CYRIA: variants seen among roughly 807,000 people sequenced by gnomAD.
CYRIA encodes the protein CYFIP related Rac1 interactor A.
In CYRIA, 15 loss-of-function variants were observed where a neutral mutation model predicts 43.9. The ratio of observed to expected loss-of-function variants is 0.34; its 90% CI spans 0.23 to 0.53. CYRIA has a LOEUF of 0.53. Among genes scored for constraint, CYRIA ranks in the 20% least tolerant of loss-of-function variants. The pLI, the probability that CYRIA is intolerant of heterozygous loss-of-function variation, is 0.94. For missense variants in CYRIA, 236 were observed against 394.2 expected, an observed-to-expected ratio of 0.60 and a Z score of 3.40; for synonymous variants, 117 against 136.0, an observed-to-expected ratio of 0.86 and a Z score of 0.97.
intron 4 of CYRIA, 105 bp downstream of exon 4, chr2:16,565,541 G>A (rs1666897688): frequency 7.7e-7 from 1 of 1,291,412 alleles, no homozygotes; most frequent in Non-Finnish European, 1.0e-6. Context: ...GGTACTCTAG[G>A]AAATACTGTA....
At chr2:16,633,576 T>G (rs1377131025) in intron 1 of CYRIA, among the ~76,000 whole-genome samples, 1 of 77,980 alleles carries the variant, frequency 1.3e-5, no homozygotes, top group East Asian at 1.2e-3. Context: ...TTTTTTTCTG[T>G]AGAGAAGGGG....
intron 1 of CYRIA, among the ~76,000 whole-genome samples, chr2:16,630,992 G>A (rs1351903612): frequency 6.6e-6 from 1 of 152,150 alleles, no homozygotes; most frequent in Non-Finnish European, 1.5e-5. Flanking sequence ...CCCAGGTGAT[G>A]CAAGCCAGGA....
At chr2:16,589,489 T>TC (rs145209188) in intron 2 of CYRIA, among the ~76,000 whole-genome samples, 27,743 of 151,948 alleles carry the variant, frequency 0.18, 3,526 homozygotes, top group African/African-American at 0.35. Context: ...AAGTAGTCTA[T>TC]CTTTGTTAGA....
At chr2:16,566,502 G>C (rs370157261) in intron 3 of CYRIA, among the ~76,000 whole-genome samples, 1 of 152,186 alleles carries the variant, frequency 6.6e-6, no homozygotes, top group South Asian at 2.1e-4. Context: ...GGTATGTAGA[G>C]AGCACTTCTC....
intron 2 of CYRIA, among the ~76,000 whole-genome samples, chr2:16,599,560 A>G (rs1474627099): frequency 7.4e-6 from 1 of 135,124 alleles, no homozygotes; most frequent in Non-Finnish European, 1.6e-5. Flanking sequence ...TGCGCTTCCC[A>G]GGTGAGGCAA....
Position 16,554,373 on chromosome 2 carries a change from A to AT in CYRIA, c.908+695_908+696insA, listed in dbSNP as rs1204776935. 5.3e-5 allele frequency among the ~76,000 whole-genome samples: 8 copies of AT among 152,260 alleles called. No homozygotes were observed. In the East Asian group the frequency reaches 1.2e-3, roughly 22 times the overall value. Reference sequence around the variant, plus strand: ...TTGTAGATGTGTCAGAGCTAAAAAAAGCATCCCCTCTCTGAAATGGATTAA... The same window carrying AT: ...TTGTAGATGTGTCAGAGCTAAAAAAATGCATCCCCTCTCTGAAATGGATTAA... On this transcript the variant is annotated intron_variant, in intron 11 of 11. Coordinates refer to ENST00000381323, the MANE Select transcript of CYRIA (RefSeq NM_030797.4).
chr2:16,578,877 C>G (rs1412085891), intron 3 of CYRIA, among the ~76,000 whole-genome samples: 2 of 152,006 alleles, frequency 1.3e-5, no homozygotes, highest in Non-Finnish European at 2.9e-5. Context: ...CAAGAATGTT[C>G]AAAATTAATG....
chr2:16,559,499 G>A lies in CYRIA; in HGVS notation c.798C>T (p.Val266=). 6.2e-7 allele frequency: 1 copy of A among 1,613,138 alleles called. No homozygotes were observed. Among genetic ancestry groups the A allele is most frequent in the Middle Eastern group, 1.7e-4 (1 of 6,052 alleles). Residue 266 remains valine (V), a synonymous_variant, in exon 10 of 12, where the codon GTC becomes GTT. Coordinates refer to ENST00000381323, the MANE Select transcript of CYRIA (RefSeq NM_030797.4). The part of the protein sequence containing the change: ...MVGVIILYDH[V]HPVGAFCKTS... ...TCTTGCAGAAAGCTCCCACAGGGTG[G>A]ACATGGTCATAGAGGATGATGACTC...
chr2:16,640,076 C>A (rs1276968885), intron 1 of CYRIA, among the ~76,000 whole-genome samples: 2 of 152,232 alleles, frequency 1.3e-5, no homozygotes. Context: ...TTAGCACATA[C>A]AGGCTGCAAA....
chr2:16,657,848 T>C (rs955526868), intron 1 of CYRIA, among the ~76,000 whole-genome samples: 7 of 152,232 alleles, frequency 4.6e-5, no homozygotes, highest in African/African-American at 1.7e-4. Context: ...ATCTTGAGTG[T>C]AATACATAAA....
chr2:16,569,190 A>C (rs1175293172), intron 3 of CYRIA, among the ~76,000 whole-genome samples: 2 of 152,134 alleles, frequency 1.3e-5, no homozygotes, highest in Non-Finnish European at 2.9e-5. Context: ...CTTCTCTCCC[A>C]GAGGAGGCGG....
In CYRIA at chr2:16,590,336, A is replaced by G. The variant is rs115455662; in HGVS notation, c.-10-2207T>C. ...TAGGAAATGATCTGTCTCCAGATTA[A>G]GGAACAATTTCAGATTAGGTCTGGA... On this transcript the variant is annotated intron_variant, in intron 2 of 11. Coordinates refer to ENST00000381323, the MANE Select transcript of CYRIA (RefSeq NM_030797.4). 6.0e-3 allele frequency among the ~76,000 whole-genome samples: 915 copies of G among 152,300 alleles called. 6 individuals carry two copies. The highest frequency in any genetic ancestry group is 0.021 in the African/African-American group (885 of 41,578).
chr2:16,654,892 A>G (rs770910429), intron 1 of CYRIA, among the ~76,000 whole-genome samples: 17 of 152,340 alleles, frequency 1.1e-4, no homozygotes, highest in South Asian at 6.2e-4. Context: ...TTAGAAAAAA[A>G]TAACTCACAT....
chr2:16,571,807 A>G (rs1048354234), intron 3 of CYRIA, among the ~76,000 whole-genome samples: 1 of 152,100 alleles, frequency 6.6e-6, no homozygotes, highest in African/African-American at 2.4e-5. Context: ...CTCTCCTCCA[A>G]TCTCTTTCCC....
intron 3 of CYRIA, among the ~76,000 whole-genome samples, chr2:16,581,603 G>A (rs1667550628): frequency 6.6e-6 from 1 of 151,940 alleles, no homozygotes; most frequent in African/African-American, 2.4e-5. Flanking sequence ...TAGATCCAGT[G>A]GGTACATATG....
intron 3 of CYRIA, among the ~76,000 whole-genome samples, chr2:16,584,993 C>T (rs1024858398): frequency 6.6e-6 from 1 of 152,024 alleles, no homozygotes; most frequent in African/African-American, 2.4e-5. Context: ...GACTATTGTC[C>T]TTCACTCTAG....
chr2:16,608,055 G>T (rs1192540250), intron 2 of CYRIA, among the ~76,000 whole-genome samples: 1 of 152,124 alleles, frequency 6.6e-6, no homozygotes, highest in East Asian at 1.9e-4. Context: ...GGCTGTCAGT[G>T]TTTTAGCCAT....
At position 16,559,138 on chromosome 2, in the gene CYRIA, T is replaced by G. The variant is rs551492374; in HGVS notation, c.837+322A>C. On this transcript the variant is annotated intron_variant, in intron 10 of 11. Transcript: ENST00000381323. ...TCTTCACAATAGGACACACATAGAA[T>G]AGAAACCATCTATTTGTACAGCACA... Among the ~76,000 whole-genome samples, 6 of 152,248 alleles carry G rather than the reference T, an allele frequency of 3.9e-5. No homozygotes were observed. The South Asian group carries it at 1.0e-3, about 26-fold the overall frequency.
chr2:16,602,942 T>C (rs1211687246), intron 2 of CYRIA, among the ~76,000 whole-genome samples: 9 of 152,190 alleles, frequency 5.9e-5, no homozygotes, highest in African/African-American at 2.2e-4. Flanking sequence ...TCCTGATTCA[T>C]ACCCTTGGCA....
Sources: gnomAD v4.1 joint callset for allele counts (sites outside exome capture counted in the v4.1 genomes callset) on GRCh38, gnomAD v4.1.1 for gene constraint, MANE v1.5 for transcripts, NCBI Gene and HGNC (gene_info 2026-07-23, HGNC 2026-07-21) for gene names.